KDSR: variants seen among roughly 807,000 people sequenced by gnomAD.
KDSR encodes 3-dehydrosphinganine reductase.
A neutral mutation model predicts 41.3 loss-of-function variants in KDSR; 23 were observed. The observed-to-expected ratio is 0.56, with a 90% CI of 0.40 to 0.79. KDSR has a LOEUF of 0.79. Among genes scored for constraint, KDSR ranks in the 30% least tolerant of loss-of-function variants. KDSR has a pLI of 0.00. For missense variants in KDSR, 351 were observed against 416.8 expected, an observed-to-expected ratio of 0.84 and a Z score of 1.37; for synonymous variants, 138 against 151.7, an observed-to-expected ratio of 0.91 and a Z score of 0.66.
intron 9 of KDSR, among the ~76,000 whole-genome samples, chr18:63,334,288 T>C (rs1914093829): frequency 6.6e-6 from 1 of 152,132 alleles, no homozygotes; most frequent in Admixed American, 6.5e-5. Context: ...AACTATCCCA[T>C]GGCTTTGTCT....
intron 6 of KDSR, among the ~76,000 whole-genome samples, chr18:63,350,586 C>T (rs1914634727): frequency 6.6e-6 from 1 of 152,204 alleles, no homozygotes; most frequent in Non-Finnish European, 1.5e-5. Flanking sequence ...ATCTGGTTAA[C>T]CTTACTCACA....
chr18:63,351,053 G>C lies in KDSR; in HGVS notation c.444C>G (p.Gly148=), dbSNP rs751732191. The C allele has an allele frequency of 5.0e-6, 8 of 1,613,798 alleles. No homozygotes were observed. In the South Asian group the frequency reaches 8.8e-5, roughly 18 times the overall value. Residue 148 remains glycine, a synonymous_variant, in exon 6 of 10, where the codon GGC becomes GGG. Coordinates refer to ENST00000645214, the MANE Select transcript of KDSR (RefSeq NM_002035.4). ...FERLMSINYL[G]SVYPSRAVIT... Reference sequence around the variant, plus strand: ...TCACGGCCCGGCTGGGGTACACGCTGCCCAGGTAATTGATGCTCATTAACC... The same window carrying C: ...TCACGGCCCGGCTGGGGTACACGCTCCCCAGGTAATTGATGCTCATTAACC...
Position 63,331,720 on chromosome 18 carries a change from C to A in KDSR, c.*62G>T. On this transcript the variant is annotated 3_prime_UTR_variant, in exon 10 of 10. Coordinates refer to ENST00000645214, the MANE Select transcript of KDSR (RefSeq NM_002035.4). ...AGTGTCTATAGGCCAAAAATTGGGT[C>A]CCATTTAGCAGCAAGCTGTTCAAAT... The A allele has an allele frequency of 6.4e-7, 1 of 1,567,690 alleles. No homozygotes were observed. The highest frequency in any genetic ancestry group is 8.7e-7 in the Non-Finnish European group (1 of 1,153,680).
rs1325609949 is a variant in KDSR, at chr18:63,360,997, A to C, written c.199-1205T>G. Among the ~76,000 whole-genome samples, 41 of 101,288 alleles carry C rather than the reference A, an allele frequency of 4.0e-4. No individual in the cohort carries two copies. The East Asian group carries it at 0.015, about 37-fold the overall frequency. The allele number at this position is 101,288 out of a possible 152,430, so 66.4% of individuals were successfully genotyped here. A position where few individuals can be genotyped will look rare whatever the true frequency, so the allele number is the denominator to read the frequency against. ...TAGTAAAACCCTGTCTCTACTAAAA[A>C]AAAAATATATATATATATAAAATAT... On this transcript the variant is annotated intron_variant, in intron 2 of 9. Coordinates refer to ENST00000645214, the MANE Select transcript of KDSR (RefSeq NM_002035.4).
At chr18:63,366,052 C>G (rs1915127027) in intron 1 of KDSR, 1 of 152,204 alleles carries the variant, frequency 6.6e-6, no homozygotes, top group Non-Finnish European at 1.5e-5. Context: ...TTGTAACCAA[C>G]CCTCCTTACT....
At chr18:63,340,070 A>G (rs1227913948) in intron 7 of KDSR, among the ~76,000 whole-genome samples, 1 of 152,232 alleles carries the variant, frequency 6.6e-6, no homozygotes, top group African/African-American at 2.4e-5. Context: ...ATTCTAAAGT[A>G]CTATGGCGCC....
intron 7 of KDSR, among the ~76,000 whole-genome samples, chr18:63,339,867 T>G (rs1031159345): frequency 1.3e-5 from 2 of 152,208 alleles, no homozygotes; most frequent in African/African-American, 2.4e-5. Context: ...GACTGTAAAC[T>G]TTACCACGTA....
intron 7 of KDSR, among the ~76,000 whole-genome samples, chr18:63,340,553 C>G (rs1042229371): frequency 6.6e-5 from 10 of 152,176 alleles, no homozygotes; most frequent in African/African-American, 2.2e-4. Context: ...CCCGCTTCAC[C>G]TATTCATTTG....
intron 2 of KDSR, 75 bp downstream of exon 2, chr18:63,362,704 G>C: frequency 1.0e-6 from 1 of 957,166 alleles, no homozygotes. Context: ...TGAATGCTAA[G>C]ATGTTTAGCA....
At chr18:63,356,124 G>A (rs184597989) in intron 3 of KDSR, among the ~76,000 whole-genome samples, 101 of 152,274 alleles carry the variant, frequency 6.6e-4, no homozygotes, top group Non-Finnish European at 1.3e-3. Context: ...TCGGCCAGGC[G>A]CGGTGGCTCA....
rs1913943442 is a variant in KDSR at position 63,330,336 on chromosome 18, G to A, written c.*1446C>T. On this transcript the variant is annotated 3_prime_UTR_variant, in exon 10 of 10. Transcript: ENST00000645214. ...GCTACCGTATATGCAAGGAAGACAG[G>A]TTACAAGATCAAGGTGAAGGCAGCT... 4.5e-6 allele frequency: 1 copy of A among 224,350 alleles called. No homozygotes were observed. The highest frequency in any genetic ancestry group is 8.9e-6 in the Non-Finnish European group (1 of 112,582). 13.9% of individuals were successfully genotyped at this position (224,350 alleles called of 1,614,324 possible).
chr18:63,365,465 C>A (rs1915107575), intron 1 of KDSR, among the ~76,000 whole-genome samples: 2 of 152,186 alleles, frequency 1.3e-5, no homozygotes, highest in Admixed American at 1.3e-4. Context: ...CTATTCATGT[C>A]ATTCTCACAT....
chr18:63,365,529 A>C (rs148506865), intron 1 of KDSR, among the ~76,000 whole-genome samples: 47 of 152,296 alleles, frequency 3.1e-4, no homozygotes, highest in African/African-American at 9.4e-4. Context: ...GGTAAAAATA[A>C]ATTCTTCTTG....
At position 63,329,295 on chromosome 18, in the gene KDSR, A is replaced by C. The variant is rs1010400272; in HGVS notation, c.*2487T>G. On this transcript the variant is annotated 3_prime_UTR_variant, in exon 10 of 10. Transcript: ENST00000645214. Reference sequence around the variant, plus strand: ...AATATGGGCATATTTTGAATATTACAAAACACCTCCACAGCATCTAAGGGA... The same window carrying C: ...AATATGGGCATATTTTGAATATTACCAAACACCTCCACAGCATCTAAGGGA... 5.3e-5 allele frequency: 11 copies of C among 207,808 alleles called. No homozygotes were observed. Among genetic ancestry groups the C allele is most frequent in the Admixed American group, 1.8e-4 (3 of 16,858 alleles). 12.9% of individuals were successfully genotyped at this position (207,808 alleles called of 1,614,324 possible).
intron 2 of KDSR, among the ~76,000 whole-genome samples, chr18:63,362,420 T>A (rs775695288): frequency 3.3e-5 from 5 of 152,204 alleles, no homozygotes; most frequent in Non-Finnish European, 5.9e-5. Context: ...CCTTCAGGTA[T>A]CAGCTCCAGA....
Position 63,355,266 on chromosome 18 carries a change from C to G in KDSR, c.355G>C (p.Val119Leu), listed in dbSNP as rs1914764335. The G allele has an allele frequency of 2.5e-6, 4 of 1,614,144 alleles. No homozygotes were observed. The highest frequency in any genetic ancestry group is 3.4e-6 in the Non-Finnish European group (4 of 1,179,982). The change falls in exon 5 of 10, where the codon GTA becomes CTA. Residue 119 changes from valine to leucine, a missense_variant. Physicochemically the swap from Val to Leu is conservative, Grantham distance 32. Coordinates refer to ENST00000645214, the MANE Select transcript of KDSR (RefSeq NM_002035.4). ...GACACTGCCATTCCTGCACAATTTA[C>G]CAGCATGTCCACTGGACCCAGTTTC... ...QEKLGPVDMLVNCAGMAVSGK... is the reference protein window; with the variant it reads ...QEKLGPVDMLLNCAGMAVSGK...
Position 63,329,482 on chromosome 18 carries a change from C to T in KDSR, c.*2300G>A, listed in dbSNP as rs961551640. The T allele has an allele frequency of 7.3e-5, 15 of 204,598 alleles. No homozygotes were observed. The highest frequency in any genetic ancestry group is 1.6e-3 in the Middle Eastern group (1 of 638). 12.7% of individuals were successfully genotyped at this position (204,598 alleles called of 1,614,324 possible). A position where few individuals can be genotyped will look rare whatever the true frequency, so the allele number is the denominator to read the frequency against. The stretch of plus-strand genomic sequence containing the variant: ...GAAAAACACAAACCAACTTAGATTT[C>T]GAAGTTTCTTTGCTAAGGGACTGTA... On this transcript the variant is annotated 3_prime_UTR_variant, in exon 10 of 10. Transcript: ENST00000645214.
intron 3 of KDSR, among the ~76,000 whole-genome samples, chr18:63,357,875 C>A (rs1447595648): frequency 6.6e-6 from 1 of 152,012 alleles, no homozygotes; most frequent in African/African-American, 2.4e-5. Context: ...CCGCACCTGG[C>A]CTAAAGAATA....
intron 3 of KDSR, among the ~76,000 whole-genome samples, chr18:63,355,773 T>A (rs1387833407): frequency 6.6e-6 from 1 of 152,174 alleles, no homozygotes; most frequent in African/African-American, 2.4e-5. Flanking sequence ...TTTAAAAATA[T>A]ATAAATGCTC....
Sources: gnomAD v4.1 joint callset for allele counts (sites outside exome capture counted in the v4.1 genomes callset) on GRCh38, gnomAD v4.1.1 for gene constraint, MANE v1.5 for transcripts, NCBI Gene and HGNC (gene_info 2026-07-23, HGNC 2026-07-21) for gene names.